Variants in SPATS1 observed in about 807,000 individuals in gnomAD.
SPATS1 encodes the protein spermatogenesis associated serine rich 1.
Under a neutral mutation model 33.6 loss-of-function variants are expected in SPATS1, and 23 were observed. The observed-to-expected ratio is 0.68, with a 90% CI of 0.49 to 0.97. The LOEUF (loss-of-function observed/expected upper bound fraction) is 0.97. SPATS1 is among the 50% of genes least tolerant of loss of function. SPATS1 has a pLI of 0.00. For missense variants in SPATS1, 327 were observed against 361.0 expected (o/e 0.91, Z 0.76); for synonymous variants, 131 against 125.6 (o/e 1.04, Z -0.29).
At chr6:44,348,666 A>C (rs1049387293) in intron 2 of SPATS1, among the ~76,000 whole-genome samples, 2 of 152,238 alleles carry the variant, frequency 1.3e-5, no homozygotes, top group Admixed American at 6.5e-5. Flanking sequence ...ACGTGTGTTC[A>C]TAGCTTGGAA....
At position 44,353,995 on chromosome 6, in the gene SPATS1, G is replaced by A. The variant is rs184204701; in HGVS notation, c.287+1122G>A. Among the ~76,000 whole-genome samples, 1,233 of 136,978 alleles carry A rather than the reference G, an allele frequency of 9.0e-3. 6 individuals are homozygous for A. The highest frequency in any genetic ancestry group is 0.018 in the South Asian group (79 of 4,368). The allele number at this position is 136,978 out of a possible 152,430, so 89.9% of individuals were successfully genotyped here. On this transcript the variant is annotated intron_variant, in intron 3 of 8. Coordinates refer to ENST00000674044, the MANE Select transcript of SPATS1 (RefSeq NM_001372081.1). ...GGAGCTTGCAGTGAGCCGAGATCGC[G>A]CCACTGCACTCCAGCCTGGGCGACA...
chr6:44,353,520 G>T (rs958643920), intron 3 of SPATS1, among the ~76,000 whole-genome samples: 1 of 152,064 alleles, frequency 6.6e-6, no homozygotes, highest in Non-Finnish European at 1.5e-5. Flanking sequence ...TAAAGTGCTG[G>T]GATTACAGGT....
At position 44,367,653 on chromosome 6, in the gene SPATS1, C is replaced by T. The variant is rs142359358; in HGVS notation, c.575-726C>T. ...GCCCAAGGGTGATGAGTCTCGTAGT[C>T]CAGGCTTATTCTCTTAGGAGATGCA... On this transcript the variant is annotated intron_variant, in intron 5 of 8. Transcript: ENST00000674044. Among the ~76,000 whole-genome samples, 3 of 152,280 alleles carry T rather than the reference C, an allele frequency of 2.0e-5. No homozygotes were observed. The East Asian group carries it at 5.8e-4, about 29-fold the overall frequency.
rs1318624733 is a variant in SPATS1 at position 44,376,440 on chromosome 6, G to C, written c.841G>C (p.Ala281Pro). ...EVEELDNWQP[A>P]VPLMHMLHLS... ...TGAGGAGCTTGACAACTGGCAGCCAGCAGTGCCCTTAATGCACATGCTACA... is the reference window on the plus strand; with the variant it reads ...TGAGGAGCTTGACAACTGGCAGCCACCAGTGCCCTTAATGCACATGCTACA... The change falls in exon 8 of 9, where the codon GCA (alanine) becomes CCA (proline). Residue 281 changes from alanine to proline, a missense_variant. By Grantham distance (27) the Ala-to-Pro change is conservative. Coordinates refer to ENST00000674044, the MANE Select transcript of SPATS1 (RefSeq NM_001372081.1). The C allele has an allele frequency of 6.2e-7, 1 of 1,611,692 alleles. No individual in the cohort carries two copies. Among genetic ancestry groups the C allele is most frequent in the Non-Finnish European group, 8.5e-7 (1 of 1,179,206 alleles).
intron 3 of SPATS1, among the ~76,000 whole-genome samples, chr6:44,357,077 T>TA (rs1244183300): frequency 1.1e-4 from 17 of 152,200 alleles, no homozygotes; most frequent in African/African-American, 4.1e-4. Flanking sequence ...TAAAGCTTGA[T>TA]AAAAAAGAGT....
intron 3 of SPATS1, among the ~76,000 whole-genome samples, chr6:44,357,085 A>C (rs1788632835): frequency 6.6e-6 from 1 of 152,144 alleles, no homozygotes; most frequent in Non-Finnish European, 1.5e-5. Flanking sequence ...GATAAAAAAG[A>C]GTCCCCCTTC....
At chr6:44,350,881 T>C (rs1788189820) in intron 2 of SPATS1, among the ~76,000 whole-genome samples, 2 of 151,898 alleles carry the variant, frequency 1.3e-5, no homozygotes, top group South Asian at 2.1e-4. Flanking sequence ...CCCAACACTT[T>C]AGGAGGCTGA....
intron 2 of SPATS1, among the ~76,000 whole-genome samples, chr6:44,348,707 T>G (rs1788051091): frequency 6.6e-6 from 1 of 152,336 alleles, no homozygotes; most frequent in East Asian, 1.9e-4. Flanking sequence ...GAAGCACTTT[T>G]GCGCGGTGGC....
chr6:44,342,962 C>G, intron 1 of SPATS1, 134 bp from the exon 2 acceptor site: 2 of 1,271,470 alleles, frequency 1.6e-6, no homozygotes, highest in Non-Finnish European at 2.2e-6. Flanking sequence ...GTAAGGCTCC[C>G]GTTTAGAGGC....
At chr6:44,356,190 G>GT (rs1198976485) in intron 3 of SPATS1, among the ~76,000 whole-genome samples, 12 of 152,070 alleles carry the variant, frequency 7.9e-5, no homozygotes, top group African/African-American at 2.9e-4. Context: ...GATAATCTCA[G>GT]TATTCATACA....
At chr6:44,369,054 A>G (rs981106834) in intron 6 of SPATS1, among the ~76,000 whole-genome samples, 17 of 151,818 alleles carry the variant, frequency 1.1e-4, no homozygotes, top group African/African-American at 2.2e-4. Flanking sequence ...CCGCCACCAC[A>G]CCTGGGTAAT....
chr6:44,344,491 G>C (rs746857855), intron 2 of SPATS1, among the ~76,000 whole-genome samples: 2 of 151,082 alleles, frequency 1.3e-5, no homozygotes, highest in South Asian at 2.1e-4. Context: ...ATCAAAAAAC[G>C]GGTTAAAAAC....
At chr6:44,352,484 T>C (rs922757463) in intron 2 of SPATS1, among the ~76,000 whole-genome samples, 2 of 152,166 alleles carry the variant, frequency 1.3e-5, no homozygotes, top group Non-Finnish European at 2.9e-5. Context: ...GCAAGTTTCT[T>C]AGCCTTCTCA....
In SPATS1 at chr6:44,342,721, T is replaced by TCGGCGTG; in HGVS notation, c.-38_-32dup. The TCGGCGTG allele has an allele frequency of 1.5e-5, 7 of 462,866 alleles. No homozygotes were observed. Among genetic ancestry groups the TCGGCGTG allele is most frequent in the African/African-American group, 4.0e-5 (2 of 50,504 alleles). 28.7% of individuals were successfully genotyped at this position (462,866 alleles called of 1,614,324 possible). On this transcript the variant is annotated 5_prime_UTR_variant, in exon 1 of 9. Transcript: ENST00000674044. ...GCCCTAGGCTCTCGGTTCTCAGGCC[T>TCGGCGTG]CGGCGTGCGGCGTGCGTTCGGCAGT...
In SPATS1 at chr6:44,376,403, G is replaced by C. The variant is rs114096631; in HGVS notation, c.804G>C (p.Glu268Asp). The part of the protein sequence containing the change: ...VKEKANSLKN[E>D]IQEVEELDNW... ...AGAAGGCCAACAGTTTGAAAAATGA[G>C]ATACAAGAGGTTGAGGAGCTTGACA... Residue 268 changes from glutamate to aspartate, a missense_variant, in exon 8 of 9, where the codon GAG becomes GAC. Physicochemically the swap from Glu to Asp is conservative, Grantham distance 45 (BLOSUM62 2). Coordinates refer to ENST00000674044, the MANE Select transcript of SPATS1 (RefSeq NM_001372081.1). 2.0e-4 allele frequency: 322 copies of C among 1,613,274 alleles called. 1 individual carries two copies. The African/African-American group carries it at 3.8e-3, about 19-fold the overall frequency.
intron 3 of SPATS1, among the ~76,000 whole-genome samples, chr6:44,359,332 T>C (rs1454567052): frequency 6.6e-6 from 1 of 152,228 alleles, no homozygotes; most frequent in Non-Finnish European, 1.5e-5. Context: ...ACCATCACCA[T>C]TGTCTATTTT....
At chr6:44,349,864 T>A (rs947773195) in intron 2 of SPATS1, among the ~76,000 whole-genome samples, 2 of 152,250 alleles carry the variant, frequency 1.3e-5, no homozygotes, top group Non-Finnish European at 2.9e-5. Context: ...TTTGGCTGTC[T>A]TTTTATTATT....
chr6:44,359,625 G>A (rs1208564765), intron 3 of SPATS1, among the ~76,000 whole-genome samples: 1 of 152,036 alleles, frequency 6.6e-6, no homozygotes, highest in Non-Finnish European at 1.5e-5. Flanking sequence ...TGCCCAGGCT[G>A]GAGTGCAGTG....
At chr6:44,360,288 C>T (rs1366867739) in intron 3 of SPATS1, among the ~76,000 whole-genome samples, 158 bp from the exon 4 acceptor site, 1 of 152,122 alleles carries the variant, frequency 6.6e-6, no homozygotes, top group Non-Finnish European at 1.5e-5. Flanking sequence ...AGTTTCAGTC[C>T]CCTCAAATTA....
Sources: allele counts gnomAD v4.1 joint callset (sites outside exome capture counted in the v4.1 genomes callset), GRCh38; gene constraint gnomAD v4.1.1; transcripts MANE v1.5; gene names NCBI Gene and HGNC (gene_info 2026-07-23, HGNC 2026-07-21).